The following TFB2M variants were observed in gnomAD, a reference collection of about 807,000 sequenced individuals.
TFB2M encodes transcription factor B2, mitochondrial.
A neutral mutation model predicts 41.3 loss-of-function variants in TFB2M; 44 were observed. The ratio of observed to expected loss-of-function variants is 1.07; its 90% confidence interval spans 0.84 to 1.37. The LOEUF is 1.37. Ranked by LOEUF, TFB2M falls within the 40% of genes most tolerant of loss-of-function variation. The pLI is 0.00. For synonymous variants in TFB2M, 188 were observed against 176.8 expected (o/e 1.06, Z -0.50); for missense variants, 496 against 490.2 (o/e 1.01, Z -0.11).
chr1:246,564,235 G>C, intron 2 of TFB2M, 111 bp downstream of exon 2: 1 of 839,964 alleles, frequency 1.2e-6, no homozygotes, highest in Admixed American at 2.4e-5. Context: ...TTCAGAGATG[G>C]CTCCCTAAAA....
At chr1:246,558,132 T>C (rs1034890052) in intron 2 of TFB2M, among the ~76,000 whole-genome samples, 6 of 147,984 alleles carry the variant, frequency 4.1e-5, no homozygotes, top group African/African-American at 1.5e-4. Flanking sequence ...AAATAAACTA[T>C]CATAAATTTT....
At chr1:246,550,610 G>A (rs4654121) in intron 5 of TFB2M, among the ~76,000 whole-genome samples, 110,783 of 152,168 alleles carry the variant, frequency 0.73, 40,789 homozygotes, top group East Asian at 1. Context: ...AGGGCCAGGC[G>A]CAGTGGCTCA....
At chr1:246,564,958 C>A (rs950457978) in intron 1 of TFB2M, among the ~76,000 whole-genome samples, 3 of 152,182 alleles carry the variant, frequency 2.0e-5, no homozygotes, top group African/African-American at 7.2e-5. Flanking sequence ...GGATTACAGG[C>A]GTGAGCCACC....
chr1:246,564,469 C>A, intron 1 of TFB2M, 35 bp from the exon 2 acceptor site: 1 of 1,581,862 alleles, frequency 6.3e-7, no homozygotes, highest in Non-Finnish European at 8.7e-7. Flanking sequence ...TTTATTTGTA[C>A]AAGAAACATA....
intron 5 of TFB2M, 37 bp from the exon 6 acceptor site, chr1:246,548,644 T>C (rs761965837): frequency 3.1e-6 from 5 of 1,596,332 alleles, no homozygotes; most frequent in Non-Finnish European, 4.3e-6. Flanking sequence ...ACATCTTTTA[T>C]TTCTCTTTGG....
intron 1 of TFB2M, among the ~76,000 whole-genome samples, chr1:246,565,443 G>A (rs1216487636): frequency 6.6e-6 from 1 of 152,260 alleles, no homozygotes; most frequent in Non-Finnish European, 1.5e-5. Flanking sequence ...GACGGGCGCA[G>A]TGGCTCACGC....
Position 246,541,056 on chromosome 1 carries a change from T to C in TFB2M, c.1166A>G (p.Tyr389Cys). 1 of 1,613,268 alleles carries C rather than the reference T, an allele frequency of 6.2e-7. No homozygotes were observed. The highest frequency in any genetic ancestry group is 8.5e-7 in the Non-Finnish European group (1 of 1,179,582). ...CTACCTATCTTCCAGGGTTTCATCA[T>C]ACAGCCATTTATAAGCACAATCTTT... ...RSKDCAYKWL[Y>C]DETLEDR Residue 389 changes from tyrosine to cysteine, a missense_variant, in exon 8 of 8, where the codon TAT becomes TGT. Physicochemically the swap from Tyr to Cys is radical, Grantham distance 194. Coordinates refer to ENST00000366514, the MANE Select transcript of TFB2M (RefSeq NM_022366.3).
At chr1:246,563,331 T>C (rs920790899) in intron 2 of TFB2M, among the ~76,000 whole-genome samples, 2 of 151,608 alleles carry the variant, frequency 1.3e-5, no homozygotes, top group African/African-American at 4.8e-5. Context: ...GAGCTAGGCA[T>C]GGTGGCTCAC....
At position 246,565,921 on chromosome 1, in the gene TFB2M, C is replaced by T. The variant is rs1424665092; in HGVS notation, c.218G>A (p.Arg73His). 6.2e-7 allele frequency: 1 copy of T among 1,614,170 alleles called. No individual in the cohort carries two copies. Among genetic ancestry groups the T allele is most frequent in the Non-Finnish European group, 8.5e-7 (1 of 1,180,004 alleles). ...AGCCAATCTCCGATCGGTTACGTAA[C>T]GCTTAAAGTCTAAGCTGGCCTTAGA... ...KASKASLDFKRYVTDRRLAET... is the reference protein window; with the variant it reads ...KASKASLDFKHYVTDRRLAET... Residue 73 changes from arginine to histidine, a missense_variant, in exon 1 of 8, where the codon CGT becomes CAT. Arg to His is a conservative substitution (Grantham distance 29). Coordinates refer to ENST00000366514, the MANE Select transcript of TFB2M (RefSeq NM_022366.3).
intron 3 of TFB2M, among the ~76,000 whole-genome samples, chr1:246,557,157 C>G (rs1249818881): frequency 6.6e-6 from 1 of 152,040 alleles, no homozygotes; most frequent in Non-Finnish European, 1.5e-5. Flanking sequence ...CACTTGTAAT[C>G]CCAGCTACTA....
At chr1:246,564,457 A>G (rs752451330) in intron 1 of TFB2M, 23 bp from the exon 2 acceptor site, 8 of 1,602,432 alleles carry the variant, frequency 5.0e-6, no homozygotes, top group Non-Finnish European at 6.8e-6. Flanking sequence ...CAGAACGAAA[A>G]GTTTATTTGT....
At chr1:246,564,556 A>G (rs1036575459) in intron 1 of TFB2M, 122 bp from the exon 2 acceptor site, 8 of 765,904 alleles carry the variant, frequency 1.0e-5, no homozygotes, top group Non-Finnish European at 1.5e-5. Context: ...GCATCCGCAA[A>G]GTAGATGTCA....
chr1:246,564,321 A>G lies in TFB2M; in HGVS notation c.402+25T>C, dbSNP rs1378441407. 4.4e-6 allele frequency: 7 copies of G among 1,602,058 alleles called. No individual in the cohort carries two copies. The African/African-American group carries it at 5.4e-5, about 12-fold the overall frequency. On this transcript the variant is annotated intron_variant, in intron 2 of 7. Transcript: ENST00000366514. ...CACAGATAGTTGAACAAACAATAACATACGTTGAGAAACTAAAAATATACC... is the reference window on the plus strand; with the variant it reads ...CACAGATAGTTGAACAAACAATAACGTACGTTGAGAAACTAAAAATATACC...
At chr1:246,560,600 T>A (rs963419205) in intron 2 of TFB2M, among the ~76,000 whole-genome samples, 1 of 152,252 alleles carries the variant, frequency 6.6e-6, no homozygotes, top group African/African-American at 2.4e-5. Context: ...GAGGGCACCA[T>A]ACATTCTTGC....
At chr1:246,552,622 C>G (rs893241336) in intron 4 of TFB2M, among the ~76,000 whole-genome samples, 4 of 150,954 alleles carry the variant, frequency 2.6e-5, no homozygotes, top group Non-Finnish European at 5.9e-5. Flanking sequence ...TCACTTGAGC[C>G]CAGGAGTTTG....
chr1:246,552,068 T>C (rs1186709724), intron 4 of TFB2M, among the ~76,000 whole-genome samples: 1 of 152,198 alleles, frequency 6.6e-6, no homozygotes, highest in Non-Finnish European at 1.5e-5. Context: ...TGAGTCTTAA[T>C]AGTACTATCT....
chr1:246,556,299 G>A (rs748030261), intron 4 of TFB2M, among the ~76,000 whole-genome samples: 4 of 152,180 alleles, frequency 2.6e-5, no homozygotes, highest in Admixed American at 6.5e-5. Context: ...AGAGGGAAAC[G>A]AGAGTTTGTG....
chr1:246,565,843 A>G lies in TFB2M; in HGVS notation c.296T>C (p.Leu99Pro). The G allele has an allele frequency of 1.2e-6, 2 of 1,601,914 alleles. No homozygotes were observed. Among genetic ancestry groups the G allele is most frequent in the Non-Finnish European group, 1.7e-6 (2 of 1,169,548 alleles). The change falls in exon 1 of 8, where the codon CTG becomes CCG. Residue 99 changes from leucine (L) to proline (P), a missense_variant. Coordinates refer to ENST00000366514, the MANE Select transcript of TFB2M (RefSeq NM_022366.3). ...GGACTCACCTGGATTGCACTCCAGCAGTAGGTGTGGAGGTCTACTTGGTTT... is the reference window on the plus strand; with the variant it reads ...GGACTCACCTGGATTGCACTCCAGCGGTAGGTGTGGAGGTCTACTTGGTTT... The part of the protein sequence containing the change: ...LGKPSRPPHL[L>P]LECNPGPGIL...
chr1:246,559,153 T>TC (rs200555232), intron 2 of TFB2M, among the ~76,000 whole-genome samples: 2,131 of 152,280 alleles, frequency 0.014, 22 homozygotes, highest in Non-Finnish European at 0.022. Context: ...TCTCACTATG[T>TC]CCCCAGGCTG....
Sources: gnomAD v4.1 joint callset for allele counts (sites outside exome capture counted in the v4.1 genomes callset) on GRCh38, gnomAD v4.1.1 for gene constraint, MANE v1.5 for transcripts, NCBI Gene and HGNC (gene_info 2026-07-23, HGNC 2026-07-21) for gene names.